Variants in HMGXB3 observed in about 807,000 individuals in gnomAD.
HMGXB3 encodes HMG-box containing 3, also known as HMG domain-containing protein 3.
A neutral mutation model predicts 121.5 loss-of-function variants in HMGXB3; 45 were observed. The ratio of observed to expected loss-of-function variants is 0.37; its 90% confidence interval spans 0.29 to 0.47. The LOEUF is 0.47. Among genes scored for constraint, HMGXB3 ranks in the 20% least tolerant of loss-of-function variants. HMGXB3 has a pLI of 0.99. For synonymous variants in HMGXB3, 590 were observed against 624.1 expected (o/e 0.95, Z 0.81); for missense variants, 1,376 against 1,602.2 (o/e 0.86, Z 2.41).
chr5:150,026,145 T>TA (rs397739435), intron 7 of HMGXB3, among the ~76,000 whole-genome samples: 8 of 152,036 alleles, frequency 5.3e-5, no homozygotes, highest in East Asian at 1.9e-4. Flanking sequence ...TTGCTTTTTT[T>TA]AAAAAAAATC....
intron 11 of HMGXB3, among the ~76,000 whole-genome samples, chr5:150,034,728 ATCT>A (rs1402280347): frequency 3.3e-5 from 5 of 152,150 alleles, no homozygotes; most frequent in Non-Finnish European, 5.9e-5. Flanking sequence ...AACCACAGGG[ATCT>A]TCTTGTGTGT....
intron 1 of HMGXB3, among the ~76,000 whole-genome samples, chr5:150,001,763 C>T (rs1755575684): frequency 6.6e-6 from 1 of 152,116 alleles, no homozygotes; most frequent in South Asian, 2.1e-4. Flanking sequence ...CAAACAAAAC[C>T]GTAGGGTGTT....
At chr5:150,041,992 G>A (rs904819934) in intron 15 of HMGXB3, 23 bp downstream of exon 15, 1 of 1,540,728 alleles carries the variant, frequency 6.5e-7, no homozygotes, top group African/African-American at 1.4e-5. Context: ...TAGCCACCGT[G>A]AGGGACCTGC....
Position 150,040,731 on chromosome 5 carries a change from CTCT to C in HMGXB3, c.2414-12_2414-10del, listed in dbSNP as rs1474307056. ...TATGATACATTAATTTCCTTGTTGC[CTCT>C]TCTTAACCTGCAGGTCTCTTTAATG... is the stretch of plus-strand genomic sequence containing the variant. On this transcript the variant is annotated splice_polypyrimidine_tract_variant and intron_variant, in intron 13 of 19. Transcript: ENST00000502717. The C allele has an allele frequency of 7.8e-6, 12 of 1,547,400 alleles. No individual in the cohort carries two copies. Among genetic ancestry groups the C allele is most frequent in the Non-Finnish European group, 1.0e-5 (12 of 1,145,596 alleles).
At chr5:150,020,658 C>T (rs898119198) in intron 6 of HMGXB3, among the ~76,000 whole-genome samples, 1 of 151,394 alleles carries the variant, frequency 6.6e-6, no homozygotes, top group African/African-American at 2.4e-5. Flanking sequence ...TTCTTGGTCT[C>T]AAGTGATCCT....
At chr5:150,011,667 C>A (rs181035924) in intron 4 of HMGXB3, among the ~76,000 whole-genome samples, 4 of 148,068 alleles carry the variant, frequency 2.7e-5, no homozygotes, top group Admixed American at 2.7e-4. Flanking sequence ...TGCAGTGGCA[C>A]AATCTCGGCT....
chr5:150,043,449 A>T (rs1223503013), intron 15 of HMGXB3, among the ~76,000 whole-genome samples: 2 of 152,200 alleles, frequency 1.3e-5, no homozygotes, highest in African/African-American at 4.8e-5. Context: ...TCATGTGTTC[A>T]CTGATCAGGC....
At chr5:150,028,559 A>ATATATATAT (rs1375655538) in intron 9 of HMGXB3, among the ~76,000 whole-genome samples, 3 of 38,894 alleles carry the variant, frequency 7.7e-5, no homozygotes, top group African/African-American at 2.5e-4. Context: ...ATATATATAT[A>ATATATATAT]TTTTTTTTTT....
intron 4 of HMGXB3, among the ~76,000 whole-genome samples, chr5:150,011,725 C>G (rs1755845793): frequency 6.6e-6 from 1 of 151,658 alleles, no homozygotes; most frequent in African/African-American, 2.4e-5. Flanking sequence ...CTGCCTCAGC[C>G]TCCAAGTAGC....
intron 5 of HMGXB3, among the ~76,000 whole-genome samples, chr5:150,012,723 G>T (rs1011542610): frequency 6.6e-6 from 1 of 152,206 alleles, no homozygotes; most frequent in Non-Finnish European, 1.5e-5. Flanking sequence ...ATTAGGAAAA[G>T]GGCCATAGGA....
At chr5:150,012,448 T>C (rs1561854035) in intron 5 of HMGXB3, 95 bp downstream of exon 5, 1 of 822,664 alleles carries the variant, frequency 1.2e-6, no homozygotes, top group East Asian at 2.7e-5. Context: ...GAGCTACCAG[T>C]TGTAGGACCA....
intron 9 of HMGXB3, among the ~76,000 whole-genome samples, chr5:150,028,541 G>GTGTGTGTGTA (rs1203886454): frequency 1.9e-4 from 8 of 42,090 alleles, no homozygotes; most frequent in African/African-American, 3.8e-4. Context: ...GTGTGTGTGT[G>GTGTGTGTGTA]TATATATATA....
chr5:150,025,487 G>A (rs375969445), intron 7 of HMGXB3, among the ~76,000 whole-genome samples: 2 of 147,102 alleles, frequency 1.4e-5, no homozygotes, highest in East Asian at 1.9e-4. Flanking sequence ...GTGTGTGTGT[G>A]TATATATATT....
chr5:150,009,986 T>G, intron 3 of HMGXB3, 125 bp from the exon 4 acceptor site: 2 of 1,053,674 alleles, frequency 1.9e-6, no homozygotes, highest in Non-Finnish European at 2.7e-6. Context: ...GAGAGTAGAG[T>G]TTTTCCAGTC....
At chr5:150,041,720 G>A in intron 14 of HMGXB3, 65 bp from the exon 15 acceptor site, 1 of 1,226,710 alleles carries the variant, frequency 8.2e-7, no homozygotes, top group Non-Finnish European at 1.2e-6. Flanking sequence ...CTACCCACTG[G>A]CTCATCCCTA....
chr5:150,042,215 G>A (rs151182429), intron 15 of HMGXB3, among the ~76,000 whole-genome samples: 99 of 152,284 alleles, frequency 6.5e-4, no homozygotes, highest in African/African-American at 2.3e-3. Context: ...AATATATATA[G>A]TAAATATATT....
chr5:150,045,335 G>A, intron 15 of HMGXB3, 131 bp from the exon 16 acceptor site: 1 of 722,294 alleles, frequency 1.4e-6, no homozygotes, highest in South Asian at 1.8e-5. Flanking sequence ...AGGCCCTGTG[G>A]CAGTGCCTGG....
intron 6 of HMGXB3, among the ~76,000 whole-genome samples, chr5:150,020,838 C>T (rs1405290773): frequency 6.6e-6 from 1 of 150,604 alleles, no homozygotes; most frequent in Non-Finnish European, 1.5e-5. Flanking sequence ...CTCCCTGGTT[C>T]AAGTGATCCT....
Position 150,041,326 on chromosome 5 carries a change from A to G in HMGXB3, c.2545+447A>G, listed in dbSNP as rs1037065192. On this transcript the variant is annotated intron_variant, in intron 14 of 19. Coordinates refer to ENST00000502717, the MANE Select transcript of HMGXB3 (RefSeq NM_014983.3). The stretch of plus-strand genomic sequence containing the variant: ...TCCCATCCCATTCCTATAGGCTCCA[A>G]TCCCCCTCTACCTTACCTGCTGTGA... 1.2e-4 allele frequency among the ~76,000 whole-genome samples: 19 copies of G among 152,066 alleles called. 1 individual carries two copies. The highest frequency in any genetic ancestry group is 1.9e-4 in the East Asian group (1 of 5,200).
Sources: gnomAD v4.1 joint callset for allele counts (sites outside exome capture counted in the v4.1 genomes callset) on GRCh38, gnomAD v4.1.1 for gene constraint, MANE v1.5 for transcripts, NCBI Gene and HGNC (gene_info 2026-07-23, HGNC 2026-07-21) for gene names.